The following CHDH variants were observed in gnomAD, a reference collection of about 807,000 sequenced individuals.
CHDH encodes choline dehydrogenase.
CHDH carries 43 observed loss-of-function variants against 56.9 expected under a neutral mutation model. That is an observed-to-expected ratio of 0.76 (90% CI 0.59 to 0.97). CHDH has a LOEUF of 0.97. Ranked by LOEUF, CHDH falls within the 50% of genes least tolerant of loss-of-function variation. The pLI is 0.00. For missense variants in CHDH, 816 were observed against 821.1 expected (o/e 0.99, Z 0.08); for synonymous variants, 364 against 348.5 (o/e 1.04, Z -0.50).
chr3:53,837,570 G>A (rs1559762066), intron 2 of CHDH, among the ~76,000 whole-genome samples: 1 of 152,220 alleles, frequency 6.6e-6, no homozygotes, highest in Non-Finnish European at 1.5e-5. Context: ...GGGCACCTCC[G>A]ATGCCTGTGG....
chr3:53,823,233 A>G, intron 3 of CHDH, 73 bp downstream of exon 3: 1 of 1,359,582 alleles, frequency 7.4e-7, no homozygotes. Flanking sequence ...AGGAGCCTGG[A>G]GCCACGGGCC....
chr3:53,832,806 G>C (rs1698379251), intron 2 of CHDH, among the ~76,000 whole-genome samples: 1 of 152,184 alleles, frequency 6.6e-6, no homozygotes, highest in Non-Finnish European at 1.5e-5. Context: ...GTTATTGTTT[G>C]GGGGAACAGA....
intron 2 of CHDH, among the ~76,000 whole-genome samples, chr3:53,834,110 T>G (rs1698422686): frequency 6.6e-6 from 1 of 152,214 alleles, no homozygotes; most frequent in African/African-American, 2.4e-5. Context: ...CATAGCCCTT[T>G]GTTGCATCAG....
intron 2 of CHDH, among the ~76,000 whole-genome samples, chr3:53,830,886 C>A (rs1251642439): frequency 6.6e-6 from 1 of 151,936 alleles, no homozygotes; most frequent in Non-Finnish European, 1.5e-5. Context: ...CAACTATCTG[C>A]ACAAAGGGAG....
At chr3:53,834,970 T>C (rs1024862769) in intron 2 of CHDH, among the ~76,000 whole-genome samples, 1 of 152,244 alleles carries the variant, frequency 6.6e-6, no homozygotes, top group Admixed American at 6.5e-5. Context: ...TTTGAGGAGC[T>C]CAGGCTGGAC....
Position 53,815,907 on chromosome 3 carries a change from T to C in CHDH, c.*1870A>G, listed in dbSNP as rs2095614934. 6.6e-6 allele frequency: 1 copy of C among 152,234 alleles called. No homozygotes were observed. Among genetic ancestry groups the C allele is most frequent in the Non-Finnish European group, 1.5e-5 (1 of 68,044 alleles). 9.4% of individuals were successfully genotyped at this position (152,234 alleles called of 1,614,324 possible). A position where few individuals can be genotyped will look rare whatever the true frequency, so the allele number is the denominator to read the frequency against. ...CCGAGACCCAGGTGACTGATGGCCA[T>C]GGACTGCTGCTGTGGGGCAGGTGGG... On this transcript the variant is annotated 3_prime_UTR_variant, in exon 9 of 9. Transcript: ENST00000315251.
Position 53,814,334 on chromosome 3 carries a change from A to G in CHDH, c.*3443T>C, listed in dbSNP as rs2095611993. 2 of 152,246 alleles carry G rather than the reference A, an allele frequency of 1.3e-5. No individual in the cohort carries two copies. The highest frequency in any genetic ancestry group is 4.1e-4 in the South Asian group (2 of 4,832). 9.4% of individuals were successfully genotyped at this position (152,246 alleles called of 1,614,324 possible). A position where few individuals can be genotyped will look rare whatever the true frequency, so the allele number is the denominator to read the frequency against. On this transcript the variant is annotated 3_prime_UTR_variant, in exon 9 of 9. Transcript: ENST00000315251. ...TCACGCAGAGAGCCCCGACTCCCTG[A>G]TTAGCCCACCCCAACTCAAAATCTG... is the stretch of plus-strand genomic sequence containing the variant.
At chr3:53,820,987 G>A (rs370578977) in intron 5 of CHDH, among the ~76,000 whole-genome samples, 16 of 152,232 alleles carry the variant, frequency 1.1e-4, no homozygotes, top group African/African-American at 3.1e-4. Flanking sequence ...CCACCCTCAC[G>A]CCAGCGTGGG....
intron 2 of CHDH, among the ~76,000 whole-genome samples, chr3:53,832,855 A>G (rs1246437497): frequency 6.6e-6 from 1 of 152,204 alleles, no homozygotes; most frequent in African/African-American, 2.4e-5. Flanking sequence ...TTGGAAACGG[A>G]TAGTGGTGAT....
rs372931744 is a variant in CHDH, at chr3:53,818,038, G to A, written c.1524C>T (p.Ser508=). The change falls in exon 9 of 9, where the codon AGC becomes AGT. Residue 508 remains serine (S), a synonymous_variant. Transcript: ENST00000315251. ...TACAGGTGCACGAGGGGTGGTAGGCGCTGTCGGCTTTTGCCCGCACAAAGG... is the reference window on the plus strand; with the variant it reads ...TACAGGTGCACGAGGGGTGGTAGGCACTGTCGGCTTTTGCCCGCACAAAGG... ...IDAFVRAKAD[S]AYHPSCTCKM... 1.7e-5 allele frequency: 27 copies of A among 1,614,096 alleles called. No homozygotes were observed. The highest frequency in any genetic ancestry group is 2.7e-5 in the African/African-American group (2 of 74,952).
At chr3:53,833,251 G>A (rs1480634812) in intron 2 of CHDH, among the ~76,000 whole-genome samples, 1 of 152,222 alleles carries the variant, frequency 6.6e-6, no homozygotes, top group Admixed American at 6.5e-5. Context: ...TTCCTGAGGT[G>A]GCGGCAGGTC....
At chr3:53,833,971 G>A (rs1698417740) in intron 2 of CHDH, among the ~76,000 whole-genome samples, 1 of 152,128 alleles carries the variant, frequency 6.6e-6, no homozygotes, top group Non-Finnish European at 1.5e-5. Flanking sequence ...GGGAGGCAAG[G>A]CTTTGGTCAA....
chr3:53,830,657 C>G (rs1698304413), intron 2 of CHDH, among the ~76,000 whole-genome samples: 1 of 152,118 alleles, frequency 6.6e-6, no homozygotes, highest in African/African-American at 2.4e-5. Context: ...GGAGACCTAA[C>G]AGATATATAC....
rs57514436 is a variant in CHDH at position 53,842,124 on chromosome 3, C to CAA, written c.-130-1127_-130-1126dup. Among the ~76,000 whole-genome samples, 738 of 137,998 alleles carry CAA rather than the reference C, an allele frequency of 5.3e-3. 5 individuals carry two copies. The highest frequency in any genetic ancestry group is 0.042 in the East Asian group (204 of 4,840). The allele number at this position is 137,998 out of a possible 152,430, so 90.5% of individuals were successfully genotyped here. On this transcript the variant is annotated intron_variant, in intron 1 of 8. Coordinates refer to ENST00000315251, the MANE Select transcript of CHDH (RefSeq NM_018397.5). ...TTGGCAACAGGACAACACTCTGTCT[C>CAA]AAAAAAAAAAAAGAAAAAAGAAAAA...
In CHDH at chr3:53,841,430, C is replaced by T. The variant is rs560414200; in HGVS notation, c.-130-431G>A. Among the ~76,000 whole-genome samples, 3 of 152,292 alleles carry T rather than the reference C, an allele frequency of 2.0e-5. No homozygotes were observed. In the East Asian group the frequency reaches 5.8e-4, roughly 29 times the overall value. On this transcript the variant is annotated intron_variant, in intron 1 of 8. Transcript: ENST00000315251. The stretch of plus-strand genomic sequence containing the variant: ...TGGCACACTTCCACACCAGTACAAG[C>T]AGAGCCACTTCCAGCAGACACCTCT...
At chr3:53,826,558 T>C (rs1029560485) in intron 2 of CHDH, among the ~76,000 whole-genome samples, 1 of 152,184 alleles carries the variant, frequency 6.6e-6, no homozygotes, top group Admixed American at 6.5e-5. Context: ...TTAACATCCA[T>C]TAAATGATAG....
chr3:53,833,673 G>A (rs557911470), intron 2 of CHDH, among the ~76,000 whole-genome samples: 111 of 152,280 alleles, frequency 7.3e-4, no homozygotes, highest in African/African-American at 2.6e-3. Flanking sequence ...TAGCATCCAA[G>A]GCTTCCCTTT....
chr3:53,841,452 CT>C (rs1234303748), intron 1 of CHDH, among the ~76,000 whole-genome samples: 1 of 152,206 alleles, frequency 6.6e-6, no homozygotes, highest in Non-Finnish European at 1.5e-5. Flanking sequence ...CAGCAGACAC[CT>C]CTGTCACCCA....
Position 53,817,005 on chromosome 3 carries a change from C to T in CHDH, c.*772G>A, listed in dbSNP as rs1393745490. 6.6e-6 allele frequency: 1 copy of T among 152,166 alleles called. No individual in the cohort carries two copies. The highest frequency in any genetic ancestry group is 1.5e-5 in the Non-Finnish European group (1 of 68,186). The allele number at this position is 152,166 out of a possible 1,614,324, so 9.4% of individuals were successfully genotyped here. A position where few individuals can be genotyped will look rare whatever the true frequency, so the allele number is the denominator to read the frequency against. On this transcript the variant is annotated 3_prime_UTR_variant, in exon 9 of 9. Transcript: ENST00000315251. ...GGACTACAGGTGTGTACCACCATGC[C>T]CAGCTAATTGTTTTCCAGAGACAAG... is the stretch of plus-strand genomic sequence containing the variant.
Sources: allele counts gnomAD v4.1 joint callset (sites outside exome capture counted in the v4.1 genomes callset), GRCh38; gene constraint gnomAD v4.1.1; transcripts MANE v1.5; gene names NCBI Gene and HGNC (gene_info 2026-07-23, HGNC 2026-07-21).